XRN2: variants seen among roughly 807,000 people sequenced by gnomAD.
XRN2 encodes DHM1-like protein.
A neutral mutation model predicts 138.5 loss-of-function variants in XRN2; 44 were observed. The ratio of observed to expected loss-of-function variants is 0.32; its 90% CI spans 0.25 to 0.41. The LOEUF is 0.41. Among genes scored for constraint, XRN2 ranks in the 10% least tolerant of loss-of-function variants. XRN2 has a pLI of 1.00. For synonymous variants in XRN2, 354 were observed against 369.4 expected, an observed-to-expected ratio of 0.96 and a Z score of 0.48; for missense variants, 937 against 1,169.3, an observed-to-expected ratio of 0.80 and a Z score of 2.90.
At chr20:21,313,410 C>T (rs775196541) in intron 1 of XRN2, among the ~76,000 whole-genome samples, 16 of 152,108 alleles carry the variant, frequency 1.1e-4, no homozygotes, top group Non-Finnish European at 2.1e-4. Context: ...TGCGAAAGTA[C>T]CATGATTATT....
intron 4 of XRN2, among the ~76,000 whole-genome samples, chr20:21,329,162 C>G (rs2038168308): frequency 6.6e-6 from 1 of 152,082 alleles, no homozygotes; most frequent in African/African-American, 2.4e-5. Context: ...TGCATACTTT[C>G]AATATAGGTT....
chr20:21,348,546 G>GT (rs2038467287), intron 19 of XRN2, 116 bp downstream of exon 19: 1 of 910,534 alleles, frequency 1.1e-6, no homozygotes, highest in Non-Finnish European at 1.7e-6. Flanking sequence ...GAAACAGTAT[G>GT]TTTTTTACTC....
At chr20:21,309,771 G>A (rs2037853965) in intron 1 of XRN2, among the ~76,000 whole-genome samples, 1 of 150,140 alleles carries the variant, frequency 6.7e-6, no homozygotes, top group African/African-American at 2.5e-5. Context: ...TTTTCTTCCT[G>A]TTAACTTGTT....
chr20:21,333,723 C>T lies in XRN2; in HGVS notation c.953C>T (p.Thr318Ile), dbSNP rs764316382. 2 of 1,614,100 alleles carry T rather than the reference C, an allele frequency of 1.2e-6. No individual in the cohort carries two copies. The highest frequency in any genetic ancestry group is 2.2e-5 in the South Asian group (2 of 91,082). ...VLREYLEREL[T>I]MASLPFTFDV... ...TTGTAGTATTTGGAAAGAGAACTCACAATGGCCAGCCTACCATTCACATTT... is the reference window on the plus strand; with the variant it reads ...TTGTAGTATTTGGAAAGAGAACTCATAATGGCCAGCCTACCATTCACATTT... Residue 318 changes from threonine (T) to isoleucine (I), a missense_variant, in exon 11 of 30, where the codon ACA (threonine) becomes ATA (isoleucine). This residue lies in a region of XRN2 where 471 missense variants were observed against 581.2 expected (regional missense o/e 0.81). Transcript: ENST00000377191.
At chr20:21,347,672 G>T (rs1268212852) in intron 17 of XRN2, among the ~76,000 whole-genome samples, 2 of 152,156 alleles carry the variant, frequency 1.3e-5, no homozygotes, top group Admixed American at 6.5e-5. Context: ...CTTGTCAGGT[G>T]AAAATATAAT....
intron 15 of XRN2, among the ~76,000 whole-genome samples, chr20:21,341,624 C>T (rs191684055): frequency 5.7e-4 from 86 of 152,208 alleles, no homozygotes; most frequent in Non-Finnish European, 1.5e-5. Flanking sequence ...GGGAACAGAC[C>T]CTGATCTAAC....
intron 24 of XRN2, among the ~76,000 whole-genome samples, chr20:21,358,361 A>G (rs943268327): frequency 1.1e-4 from 17 of 152,214 alleles, no homozygotes; most frequent in Admixed American, 3.9e-4. Context: ...TCTATTGAGT[A>G]AAAATAATAT....
chr20:21,330,647 G>A lies in XRN2; in HGVS notation c.518G>A (p.Cys173Tyr), dbSNP rs775089193. ...GAATTCATGGACAATCTTGCTAAAT[G>A]CCTTCGCTATTACATAGCTGATCGT... ...GTEFMDNLAK[C>Y]LRYYIADRLN... is the part of the protein sequence containing the mutation. Residue 173 changes from cysteine to tyrosine, a missense_variant, in exon 6 of 30, where the codon TGC becomes TAC. Cys to Tyr is a radical substitution (Grantham distance 194). Coordinates refer to ENST00000377191, the MANE Select transcript of XRN2 (RefSeq NM_012255.5). 5 of 1,613,464 alleles carry A rather than the reference G, an allele frequency of 3.1e-6. No homozygotes were observed. In the South Asian group the frequency reaches 4.4e-5, roughly 14 times the overall value.
At chr20:21,340,392 A>G (rs2038355658) in intron 14 of XRN2, among the ~76,000 whole-genome samples, 1 of 152,188 alleles carries the variant, frequency 6.6e-6, no homozygotes, top group African/African-American at 2.4e-5. Flanking sequence ...TTAGCCTGAA[A>G]TTGTGTCTCG....
intron 17 of XRN2, 43 bp from the exon 18 acceptor site, chr20:21,348,103 A>C (rs2038460759): frequency 6.5e-7 from 1 of 1,549,320 alleles, no homozygotes; most frequent in African/African-American, 1.4e-5. Flanking sequence ...TTCATCATTA[A>C]CATAGGTTTT....
intron 1 of XRN2, among the ~76,000 whole-genome samples, chr20:21,305,494 A>T: frequency 5.7e-5 from 1 of 17,506 alleles, no homozygotes; most frequent in African/African-American, 1.1e-4. Context: ...ACCTCAGGTG[A>T]TCCGCCTGCC....
intron 28 of XRN2, among the ~76,000 whole-genome samples, chr20:21,385,090 T>C: frequency 6.6e-6 from 1 of 152,340 alleles, no homozygotes. Flanking sequence ...AAAAGAACTT[T>C]GCGTTTTTAA....
Position 21,336,077 on chromosome 20 carries a change from A to G in XRN2, c.1233+1892A>G, listed in dbSNP as rs567942559. On this transcript the variant is annotated intron_variant, in intron 13 of 29. Coordinates refer to ENST00000377191, the MANE Select transcript of XRN2 (RefSeq NM_012255.5). ...AGGGAGAGATCCATAAGGTCCACCC[A>G]GGTGGTCTTCTGTTTGTGCGTGACT... Among the ~76,000 whole-genome samples, 5 of 152,394 alleles carry G rather than the reference A, an allele frequency of 3.3e-5. 1 individual carries two copies. In the South Asian group the frequency reaches 1.0e-3, roughly 32 times the overall value.
At chr20:21,349,323 A>G in intron 19 of XRN2, 66 bp from the exon 20 acceptor site, 1 of 1,094,808 alleles carries the variant, frequency 9.1e-7, no homozygotes, top group South Asian at 1.3e-5. Flanking sequence ...TGAAAGTCAT[A>G]TCAAATTCTT....
At chr20:21,383,837 T>A (rs957135085) in intron 28 of XRN2, among the ~76,000 whole-genome samples, 2 of 152,212 alleles carry the variant, frequency 1.3e-5, no homozygotes, top group African/African-American at 4.8e-5. Context: ...TGGGAATGTT[T>A]TTTGGTTTAG....
chr20:21,361,195 A>C (rs1008362805), intron 24 of XRN2, among the ~76,000 whole-genome samples: 1 of 152,240 alleles, frequency 6.6e-6, no homozygotes, highest in Non-Finnish European at 1.5e-5. Context: ...CAGTGCTGAA[A>C]GTGCTACTTG....
At chr20:21,371,105 G>A (rs1487843698) in intron 27 of XRN2, among the ~76,000 whole-genome samples, 2 of 152,142 alleles carry the variant, frequency 1.3e-5, no homozygotes, top group Non-Finnish European at 2.9e-5. Flanking sequence ...CCTCAGAGCT[G>A]TTTTTAAACC....
chr20:21,344,807 G>A (rs938225416), intron 16 of XRN2, among the ~76,000 whole-genome samples: 1 of 152,126 alleles, frequency 6.6e-6, no homozygotes, highest in Admixed American at 6.5e-5. Context: ...TGAAGTTTGA[G>A]ATCATTATAT....
Position 21,368,550 on chromosome 20 carries a change from G to A in XRN2, c.2544G>A (p.Pro848=), listed in dbSNP as rs149896399. The change falls in exon 27 of 30, where the codon CCG becomes CCA. Residue 848 remains proline, a synonymous_variant. Coordinates refer to ENST00000377191, the MANE Select transcript of XRN2 (RefSeq NM_012255.5). The part of the protein sequence containing the change: ...PVTYQGNLYR[P]LLRGQAQIPK... ...CTTACCAGGGAAACTTATACAGGCC[G>A]CTTTTGAGAGGACAAGCCCAGATTC... 2,165 of 1,613,986 alleles carry A rather than the reference G, an allele frequency of 1.3e-3. 4 individuals carry two copies. The highest frequency in any genetic ancestry group is 1.7e-3 in the Non-Finnish European group (1,966 of 1,179,916).
Sources: gnomAD v4.1 joint callset for allele counts (sites outside exome capture counted in the v4.1 genomes callset) on GRCh38, gnomAD v4.1.1 for gene constraint, gnomAD v4.1.1 regional missense constraint, MANE v1.5 for transcripts, NCBI Gene and HGNC (gene_info 2026-07-23, HGNC 2026-07-21) for gene names.